KRT82: variants seen among roughly 807,000 people sequenced by gnomAD.
KRT82 encodes keratin, type II cuticular Hb2.
Under a neutral mutation model 48.0 loss-of-function variants are expected in KRT82, and 44 were observed. The ratio of observed to expected loss-of-function variants is 0.92; its 90% CI spans 0.72 to 1.18. The LOEUF (loss-of-function observed/expected upper bound fraction) is 1.18. KRT82 is among the 50% of genes most tolerant of loss of function. The pLI is 0.00. For synonymous variants in KRT82, 297 were observed against 278.3 expected, an observed-to-expected ratio of 1.07 and a Z score of -0.67; for missense variants, 701 against 671.4, an observed-to-expected ratio of 1.04 and a Z score of -0.49.
Position 52,396,957 on chromosome 12 carries a change from G to C in KRT82, c.994C>G (p.Arg332Gly), listed in dbSNP as rs760376339. The part of the protein sequence containing the change: ...AGNHCDNLRN[R>G]KNEILEMNKL... ...TTCATTTCCAGGATCTCGTTCTTAC[G>C]GTTGCGGAGGTTGTCACAGTGGTTC... The change falls in exon 6 of 9, where the codon CGT (arginine) becomes GGT (glycine). Residue 332 changes from arginine to glycine, a missense_variant. Transcript: ENST00000257974. 1 of 1,613,992 alleles carries C rather than the reference G, an allele frequency of 6.2e-7. No homozygotes were observed. The highest frequency in any genetic ancestry group is 1.1e-5 in the South Asian group (1 of 91,058).
At position 52,396,188 on chromosome 12, in the gene KRT82, G is replaced by A. The variant is rs376408624; in HGVS notation, c.1113C>T (p.Gly371=). The A allele has an allele frequency of 6.8e-6, 11 of 1,614,044 alleles. No individual in the cohort carries two copies. Among genetic ancestry groups the A allele is most frequent in the East Asian group, 4.5e-5 (2 of 44,876 alleles). Residue 371 remains glycine, a synonymous_variant, in exon 7 of 9, where the codon GGC becomes GGT. Transcript: ENST00000257974. ...ACTTGGCATCATTGAGAGCCGCCTC[G>A]CCCTGCTGCTCTGCCTCAGCTATGG... ...EGAIAEAEQQ[G]EAALNDAKCK...
chr12:52,395,254 C>T, intron 8 of KRT82, 59 bp from the exon 9 acceptor site: 3 of 1,405,352 alleles, frequency 2.1e-6, no homozygotes, highest in Non-Finnish European at 3.0e-6. Flanking sequence ...AGTGTACTGC[C>T]CTGAAACTAC....
Position 52,395,336 on chromosome 12 carries a change from C to G in KRT82, c.1322-141G>C. The stretch of plus-strand genomic sequence containing the variant: ...ACCCCATTCCAGCCTCCAGCCTCCG[C>G]GTCTCCCACCCTAGCCACATAAAGT... On this transcript the variant is annotated intron_variant, in intron 8 of 8. Transcript: ENST00000257974. The G allele has an allele frequency of 8.8e-6, 6 of 679,430 alleles. 1 individual carries two copies. In the South Asian group the frequency reaches 1.1e-4, roughly 13 times the overall value. 42.1% of individuals were successfully genotyped at this position (679,430 alleles called of 1,614,324 possible).
chr12:52,397,670 T>A (rs1939733111), intron 5 of KRT82, among the ~76,000 whole-genome samples: 1 of 152,214 alleles, frequency 6.6e-6, no homozygotes, highest in Non-Finnish European at 1.5e-5. Flanking sequence ...AAGCACATAA[T>A]CACACTCATT....
At chr12:52,400,281 A>T in intron 4 of KRT82, 132 bp from the exon 5 acceptor site, 1 of 950,336 alleles carries the variant, frequency 1.1e-6, no homozygotes, top group Non-Finnish European at 1.5e-6. Flanking sequence ...GGCTTCAGTC[A>T]CCAACTGACT....
At position 52,396,962 on chromosome 12, in the gene KRT82, C is replaced by A. The variant is rs755563502; in HGVS notation, c.989G>T (p.Arg330Leu). ...VTAGNHCDNL[R>L]NRKNEILEMN... ...TTCCAGGATCTCGTTCTTACGGTTG[C>A]GGAGGTTGTCACAGTGGTTCCCAGC... Residue 330 changes from arginine to leucine, a missense_variant, in exon 6 of 9, where the codon CGC (arginine) becomes CTC (leucine). Coordinates refer to ENST00000257974, the MANE Select transcript of KRT82 (RefSeq NM_033033.4). The A allele has an allele frequency of 6.2e-7, 1 of 1,614,022 alleles. No individual in the cohort carries two copies. The highest frequency in any genetic ancestry group is 1.3e-5 in the African/African-American group (1 of 75,030).
chr12:52,401,253 G>A (rs1255062206), intron 3 of KRT82, 36 bp downstream of exon 3: 4 of 1,596,526 alleles, frequency 2.5e-6, no homozygotes, highest in Non-Finnish European at 2.6e-6. Context: ...ACGCAGGCCA[G>A]CTCAGGGGCT....
At position 52,395,772 on chromosome 12, in the gene KRT82, C is replaced by T; in HGVS notation, c.1308G>A (p.Gly436=). ...TCATCTACTTACAGATATTCACGGG[C>T]CCGATGCCTTCGCACAGCCTGGGGA... ...GEEHRLCEGI[G]PVNISVSSSK... The change falls in exon 8 of 9, where the codon GGG becomes GGA. Residue 436 remains glycine, a synonymous_variant. Transcript: ENST00000257974. 2.6e-6 allele frequency: 4 copies of T among 1,553,690 alleles called. No homozygotes were observed. Among genetic ancestry groups the T allele is most frequent in the Non-Finnish European group, 3.5e-6 (4 of 1,154,362 alleles).
rs367740801 is a variant in KRT82, at chr12:52,401,373, T to G, written c.621-24A>C. 7 of 1,612,554 alleles carry G rather than the reference T, an allele frequency of 4.3e-6. No individual in the cohort carries two copies. The African/African-American group carries it at 9.4e-5, about 22-fold the overall frequency. On this transcript the variant is annotated intron_variant, in intron 2 of 8. Transcript: ENST00000257974. ...ATCTGATGGAAAAGGCAGGAAAAAATGCTTTAGTCGGGCTTGTGGATTTTG... is the reference window on the plus strand; with the variant it reads ...ATCTGATGGAAAAGGCAGGAAAAAAGGCTTTAGTCGGGCTTGTGGATTTTG...
rs142275778 is a variant in KRT82, at chr12:52,396,900, C to T, written c.1051G>A (p.Glu351Lys). The T allele has an allele frequency of 7.1e-4, 1,142 of 1,614,120 alleles. 5 individuals carry two copies. The highest frequency in any genetic ancestry group is 6.5e-3 in the Middle Eastern group (39 of 6,046). ...AGCCTCACCTGGGCTTTGACATTCTCGGTTTCTTGCTGCAGCCGCTGGATC... is the reference window on the plus strand; with the variant it reads ...AGCCTCACCTGGGCTTTGACATTCTTGGTTTCTTGCTGCAGCCGCTGGATC... ...KLIQRLQQET[E>K]NVKAQRCKLE... The change falls in exon 6 of 9, where the codon GAG becomes AAG. Residue 351 changes from glutamate to lysine, a missense_variant. Physicochemically the swap from Glu to Lys is moderately conservative, Grantham distance 56. Transcript: ENST00000257974.
intron 3 of KRT82, 136 bp from the exon 4 acceptor site, chr12:52,400,758 G>A (rs530882345): frequency 2.8e-4 from 176 of 636,570 alleles, no homozygotes; most frequent in Non-Finnish European, 4.0e-4. Flanking sequence ...CCGAGGTGGG[G>A]AAAAAGGGGT....
chr12:52,403,700 CT>C lies in KRT82; in HGVS notation c.620del (p.Lys207AsnfsTer19). On this transcript the variant is annotated frameshift_variant and splice_region_variant, in exon 2 of 9. Coordinates refer to ENST00000257974, the MANE Select transcript of KRT82 (RefSeq NM_033033.4). LOFTEE classifies it high-confidence loss of function. The part of the protein sequence containing the change: ...LQAALEGYKK[K>X]YEEELSLRPC... ...GTGGGGTAAAAGCAGCACTGACTCACTTTTTCTTGTAGCCCTCCAGTGCAGC... is the reference window on the plus strand; with the variant it reads ...GTGGGGTAAAAGCAGCACTGACTCACTTTTCTTGTAGCCCTCCAGTGCAGC... The C allele has an allele frequency of 1.9e-6, 3 of 1,594,386 alleles. No individual in the cohort carries two copies. Among genetic ancestry groups the C allele is most frequent in the Non-Finnish European group, 2.6e-6 (3 of 1,163,582 alleles).
chr12:52,396,174 T>C lies in KRT82; in HGVS notation c.1127A>G (p.Asn376Ser), dbSNP rs982239079. 3.1e-6 allele frequency: 5 copies of C among 1,614,094 alleles called. No individual in the cohort carries two copies. Among genetic ancestry groups the C allele is most frequent in the East Asian group, 4.5e-5 (2 of 44,882 alleles). ...EAEQQGEAAL[N>S]DAKCKLAGLE... is the part of the protein sequence containing the mutation. ...CCCTGCCAGCTTGCACTTGGCATCATTGAGAGCCGCCTCGCCCTGCTGCTC... is the reference window on the plus strand; with the variant it reads ...CCCTGCCAGCTTGCACTTGGCATCACTGAGAGCCGCCTCGCCCTGCTGCTC... Residue 376 changes from asparagine (N) to serine (S), a missense_variant, in exon 7 of 9, where the codon AAT (asparagine) becomes AGT (serine). Asn to Ser is a conservative substitution (Grantham distance 46). Coordinates refer to ENST00000257974, the MANE Select transcript of KRT82 (RefSeq NM_033033.4).
chr12:52,400,280 C>A (rs1939771103), intron 4 of KRT82, 131 bp from the exon 5 acceptor site: 2 of 949,840 alleles, frequency 2.1e-6, no homozygotes, highest in Non-Finnish European at 3.1e-6. Context: ...GGGCTTCAGT[C>A]ACCAACTGAC....
intron 3 of KRT82, 129 bp downstream of exon 3, chr12:52,401,160 T>C (rs942766667): frequency 1.5e-6 from 1 of 688,594 alleles, no homozygotes. Context: ...GGCACAGGAG[T>C]CTGAGGGGCG....
Position 52,395,199 on chromosome 12 carries a change from TG to T in KRT82, c.1322-5del, listed in dbSNP as rs1343305206. Reference sequence around the variant, plus strand: ...GCGCCTTTGGAGCTGCTCACTGCTGTGGGAACAGGAAGGGGTGCTCAGGGCC... The same window carrying T: ...GCGCCTTTGGAGCTGCTCACTGCTGTGGAACAGGAAGGGGTGCTCAGGGCC... On this transcript the variant is annotated splice_region_variant and splice_polypyrimidine_tract_variant and intron_variant, in intron 8 of 8. Transcript: ENST00000257974. 3 of 1,612,876 alleles carry T rather than the reference TG, an allele frequency of 1.9e-6. No homozygotes were observed. Among genetic ancestry groups the T allele is most frequent in the Admixed American group, 3.3e-5 (2 of 59,972 alleles).
At chr12:52,402,539 GC>G in intron 2 of KRT82, 1 of 152,208 alleles carries the variant, frequency 6.6e-6, no homozygotes, top group Non-Finnish European at 1.5e-5. Flanking sequence ...GGAGGATAAT[GC>G]CATTGGAATG....
chr12:52,400,285 A>C, intron 4 of KRT82, 136 bp from the exon 5 acceptor site: 1 of 935,178 alleles, frequency 1.1e-6, no homozygotes, highest in Non-Finnish European at 1.6e-6. Flanking sequence ...TCAGTCACCA[A>C]CTGACTCCTT....
chr12:52,402,790 C>A (rs1280497134), intron 2 of KRT82, among the ~76,000 whole-genome samples: 1 of 152,164 alleles, frequency 6.6e-6, no homozygotes, highest in African/African-American at 2.4e-5. Flanking sequence ...AGTGAGTGTC[C>A]CCAACACGGC....
Sources: gnomAD v4.1 joint callset for allele counts (sites outside exome capture counted in the v4.1 genomes callset) on GRCh38, gnomAD v4.1.1 for gene constraint, MANE v1.5 for transcripts, NCBI Gene and HGNC (gene_info 2026-07-23, HGNC 2026-07-21) for gene names.